Variants in KIF3A observed in about 807,000 individuals in gnomAD.
KIF3A encodes kinesin family member 3A, also known as kinesin-like protein KIF3A.
Under a neutral mutation model 92.6 loss-of-function variants are expected in KIF3A, and 27 were observed. The observed-to-expected ratio is 0.29, with a 90% CI of 0.21 to 0.40. The LOEUF (loss-of-function observed/expected upper bound fraction) is 0.40. KIF3A is among the 10% of genes least tolerant of loss of function. The probability of loss-of-function intolerance (pLI) is 1.00; values close to 1 mark genes in which losing one functional copy is unlikely to be tolerated. For synonymous variants in KIF3A, 250 were observed against 275.4 expected, an observed-to-expected ratio of 0.91 and a Z score of 0.92; for missense variants, 581 against 872.6, an observed-to-expected ratio of 0.67 and a Z score of 4.21.
chr5:132,734,158 A>G, intron 2 of KIF3A, 47 bp downstream of exon 2: 1 of 1,437,018 alleles, frequency 7.0e-7, no homozygotes, highest in South Asian at 1.3e-5. Flanking sequence ...TGGCACAGTA[A>G]TTATGTCTCA....
intron 11 of KIF3A, among the ~76,000 whole-genome samples, chr5:132,705,337 T>C (rs1225543522): frequency 6.6e-6 from 1 of 151,934 alleles, no homozygotes; most frequent in Non-Finnish European, 1.5e-5. Flanking sequence ...AAATGGGACA[T>C]ATGTTAAGAC....
At position 132,703,040 on chromosome 5, in the gene KIF3A, T is replaced by C. The variant is rs759731870; in HGVS notation, c.1492A>G (p.Lys498Glu). The change falls in exon 13 of 19, where the codon AAA becomes GAA. Residue 498 changes from lysine (K) to glutamate (E), a missense_variant. Physicochemically the swap from Lys to Glu is moderately conservative, Grantham distance 56. Transcript: ENST00000403231. ...ACCTTCTTTTCCAGGGCAGATAATTTTTCCAGCAAAGACTGATGCTCTTGT... is the reference window on the plus strand; with the variant it reads ...ACCTTCTTTTCCAGGGCAGATAATTCTTCCAGCAAAGACTGATGCTCTTGT... ...AQQEHQSLLE[K>E]LSALEKKVIV... The C allele has an allele frequency of 3.8e-5, 62 of 1,612,034 alleles. No individual in the cohort carries two copies. Among genetic ancestry groups the C allele is most frequent in the Non-Finnish European group, 4.8e-5 (57 of 1,179,482 alleles).
downstream of KIF3A, among the ~76,000 whole-genome samples, chr5:132,689,027 G>A (rs752564414): frequency 2.3e-4 from 35 of 152,316 alleles, no homozygotes; most frequent in South Asian, 8.3e-4. Flanking sequence ...TTCTGATAAC[G>A]TTGATAAAAG....
downstream of KIF3A, among the ~76,000 whole-genome samples, chr5:132,689,026 C>T (rs909482810): frequency 3.3e-5 from 5 of 152,124 alleles, no homozygotes; most frequent in African/African-American, 1.2e-4. Context: ...CTTCTGATAA[C>T]GTTGATAAAA....
In KIF3A at chr5:132,737,489, A is replaced by T. The variant is rs937150783; in HGVS notation, c.-70T>A. On this transcript the variant is annotated 5_prime_UTR_variant, in exon 1 of 19. Coordinates refer to ENST00000403231, the MANE Select transcript of KIF3A (RefSeq NM_001300791.2). ...AGCCCAGCGACACCGGGTGCGCAGA[A>T]AGGATGGCCAGAGACTACCGAAACA... The T allele has an allele frequency of 1.9e-6, 3 of 1,572,516 alleles. No individual in the cohort carries two copies. The highest frequency in any genetic ancestry group is 2.6e-6 in the Non-Finnish European group (3 of 1,155,156).
intron 10 of KIF3A, among the ~76,000 whole-genome samples, chr5:132,707,034 T>C (rs1269293973): frequency 6.6e-6 from 1 of 152,066 alleles, no homozygotes; most frequent in African/African-American, 2.4e-5. Context: ...ATTACAGTAA[T>C]TTCCACTGAT....
chr5:132,699,172 T>C lies in KIF3A; in HGVS notation c.2131A>G (p.Arg711Gly). The C allele has an allele frequency of 1.2e-6, 2 of 1,614,000 alleles. No homozygotes were observed. Among genetic ancestry groups the C allele is most frequent in the Non-Finnish European group, 1.7e-6 (2 of 1,179,858 alleles). Residue 711 changes from arginine (R) to glycine (G), a missense_variant and splice_region_variant, in exon 18 of 19, where the codon AGA becomes GGA. Physicochemically the swap from Arg to Gly is moderately radical, Grantham distance 125. Coordinates refer to ENST00000403231, the MANE Select transcript of KIF3A (RefSeq NM_001300791.2). ...ACCAGATTCAAGGACAGTCCTTACC[T>C]TCTCCCTGTCTTTGGCCTTGCTTTC... ...KGKARPKTGR[R>G]KRSAKPETVI...
chr5:132,724,500 G>T (rs989955357), intron 4 of KIF3A, among the ~76,000 whole-genome samples: 2 of 151,918 alleles, frequency 1.3e-5, no homozygotes, highest in Non-Finnish European at 2.9e-5. Context: ...GTAGGGACAT[G>T]GATGAAGCTG....
In KIF3A at chr5:132,692,965, G is replaced by A; in HGVS notation, c.*3669C>T. On this transcript the variant is annotated 3_prime_UTR_variant, in exon 19 of 19. Transcript: ENST00000403231. ...TGGGCAGACATTGGTGTACTTAAAT[G>A]TAAACGCTACCCATTCCTTAATTCA... 1 of 152,560 alleles carries A rather than the reference G, an allele frequency of 6.6e-6. No individual in the cohort carries two copies. The highest frequency in any genetic ancestry group is 1.9e-4 in the East Asian group (1 of 5,206). The allele number at this position is 152,560 out of a possible 1,614,324, so 9.5% of individuals were successfully genotyped here.
intron 2 of KIF3A, 88 bp from the exon 3 acceptor site, chr5:132,726,586 T>G: frequency 8.5e-7 from 1 of 1,179,212 alleles, no homozygotes. Flanking sequence ...GACACTGTGA[T>G]GTAATTTCTC....
intron 8 of KIF3A, among the ~76,000 whole-genome samples, chr5:132,713,955 G>A (rs566134858): frequency 8.9e-5 from 12 of 135,010 alleles, no homozygotes; most frequent in Admixed American, 8.4e-4. Context: ...GGAGTGCAGT[G>A]GCATAATCTC....
intron 4 of KIF3A, among the ~76,000 whole-genome samples, chr5:132,725,188 C>A (rs1030550772): frequency 6.6e-6 from 1 of 151,854 alleles, no homozygotes; most frequent in African/African-American, 2.4e-5. Context: ...TTAATCAGAA[C>A]TAAAGTTGAA....
At chr5:132,689,530 C>G (rs1283950611), downstream of KIF3A, 1 of 152,184 alleles carries the variant, frequency 6.6e-6, no homozygotes, top group Non-Finnish European at 1.5e-5. Context: ...TTACTTCACT[C>G]TTTTTATATA....
At chr5:132,726,911 C>T (rs1350941212) in intron 2 of KIF3A, among the ~76,000 whole-genome samples, 1 of 152,206 alleles carries the variant, frequency 6.6e-6, no homozygotes, top group African/African-American at 2.4e-5. Context: ...TTTTTAGCCA[C>T]TGACCTTGGA....
chr5:132,691,162 T>C (rs1371090496), downstream of KIF3A, among the ~76,000 whole-genome samples: 2 of 152,232 alleles, frequency 1.3e-5, no homozygotes, highest in African/African-American at 4.8e-5. Flanking sequence ...TTTCATAGAA[T>C]ACATTCTACA....
At position 132,702,648 on chromosome 5, in the gene KIF3A, T is replaced by C; in HGVS notation, c.1668A>G (p.Glu556=). 2 of 1,611,768 alleles carry C rather than the reference T, an allele frequency of 1.2e-6. No individual in the cohort carries two copies. Among genetic ancestry groups the C allele is most frequent in the Non-Finnish European group, 1.7e-6 (2 of 1,178,840 alleles). ...EEKEQERLDI[E]EKYTSLQEEA... Reference sequence around the variant, plus strand: ...CCTCTTGCAAACTGGTATATTTTTCTTCAATATCCAAGCGTTCTTGCTATG... The same window carrying C: ...CCTCTTGCAAACTGGTATATTTTTCCTCAATATCCAAGCGTTCTTGCTATG... The change falls in exon 14 of 19, where the codon GAA becomes GAG. Residue 556 remains glutamate, a synonymous_variant. Transcript: ENST00000403231.
chr5:132,726,027 T>C, intron 4 of KIF3A, 101 bp downstream of exon 4: 1 of 753,146 alleles, frequency 1.3e-6, no homozygotes, highest in Non-Finnish European at 2.2e-6. Flanking sequence ...TTATTTAAAA[T>C]ATAAAAAGCA....
At chr5:132,708,281 C>CAAAAAAAAA (rs58058674) in intron 10 of KIF3A, among the ~76,000 whole-genome samples, 2 of 66,480 alleles carry the variant, frequency 3.0e-5, no homozygotes, top group African/African-American at 4.5e-5. Flanking sequence ...GACTCCGTCT[C>CAAAAAAAAA]AAAAAAAAAA....
intron 1 of KIF3A, among the ~76,000 whole-genome samples, chr5:132,736,536 T>G (rs1754394442): frequency 6.6e-6 from 1 of 152,230 alleles, no homozygotes; most frequent in African/African-American, 2.4e-5. Flanking sequence ...TGTTGCTCAA[T>G]GTTGTATCTT....
Sources: gnomAD v4.1 joint callset for allele counts (sites outside exome capture counted in the v4.1 genomes callset) on GRCh38, gnomAD v4.1.1 for gene constraint, MANE v1.5 for transcripts, NCBI Gene and HGNC (gene_info 2026-07-23, HGNC 2026-07-21) for gene names.